NLRP9: variants seen among roughly 807,000 people sequenced by gnomAD.
NLRP9 encodes the protein NACHT, LRR and PYD domains-containing protein 9.
A neutral mutation model predicts 83.1 loss-of-function variants in NLRP9; 88 were observed. That is an observed-to-expected ratio of 1.06 (90% CI 0.89 to 1.26). The LOEUF is 1.26. Among genes scored for constraint, NLRP9 ranks in the 50% most tolerant of loss-of-function variants. NLRP9 has a pLI of 0.00. For missense variants in NLRP9, 1,308 were observed against 1,179.3 expected (o/e 1.11, Z -1.60); for synonymous variants, 521 against 447.6 (o/e 1.16, Z -2.07).
intron 1 of NLRP9, among the ~76,000 whole-genome samples, chr19:55,736,786 A>T (rs1234543085): frequency 1.3e-5 from 2 of 152,028 alleles, no homozygotes; most frequent in Admixed American, 1.3e-4. Flanking sequence ...GTGAACCGAG[A>T]TCATGTCACT....
chr19:55,717,935 T>G (rs967568448), intron 4 of NLRP9, among the ~76,000 whole-genome samples: 3 of 152,180 alleles, frequency 2.0e-5, no homozygotes, highest in Non-Finnish European at 4.4e-5. Flanking sequence ...GAGATCAGAT[T>G]GTTACTGTGT....
At chr19:55,729,515 T>C (rs183131179) in intron 3 of NLRP9, among the ~76,000 whole-genome samples, 118 of 152,314 alleles carry the variant, frequency 7.7e-4, no homozygotes, top group African/African-American at 2.8e-3. Flanking sequence ...GATAGTTTGC[T>C]GAGAATGATG....
intron 4 of NLRP9, 119 bp downstream of exon 4, chr19:55,723,861 T>C (rs974085569): frequency 3.6e-5 from 27 of 747,404 alleles, no homozygotes; most frequent in Non-Finnish European, 4.3e-5. Flanking sequence ...ATTCAAAAGA[T>C]GAAAAACAAG....
chr19:55,717,019 T>A, intron 4 of NLRP9, 121 bp from the exon 5 acceptor site: 1 of 584,768 alleles, frequency 1.7e-6, no homozygotes, highest in Non-Finnish European at 2.9e-6. Flanking sequence ...TTATCTACAC[T>A]ACAGACTCTT....
chr19:55,712,644 G>GC lies in NLRP9; in HGVS notation c.2502-55dup, dbSNP rs1987784973. 4 of 1,473,668 alleles carry GC rather than the reference G, an allele frequency of 2.7e-6. No individual in the cohort carries two copies. In the Admixed American group the frequency reaches 7.0e-5, roughly 26 times the overall value. 91.3% of individuals were successfully genotyped at this position (1,473,668 alleles called of 1,614,324 possible). ...TACACTTATGAGGTCAATCATAACA[G>GC]CCCACCTTATTTTCATTTATTCATA... is the stretch of plus-strand genomic sequence containing the variant. On this transcript the variant is annotated intron_variant, in intron 6 of 8. Transcript: ENST00000332836.
intron 3 of NLRP9, among the ~76,000 whole-genome samples, chr19:55,727,296 C>A (rs1441014070): frequency 6.6e-6 from 1 of 152,164 alleles, no homozygotes; most frequent in African/African-American, 2.4e-5. Flanking sequence ...CTGTCATCAA[C>A]ACTGTGAAGA....
At chr19:55,711,557 T>A in intron 8 of NLRP9, 1 of 1,097,220 alleles carries the variant, frequency 9.1e-7, no homozygotes, top group Non-Finnish European at 1.3e-6. Flanking sequence ...TCTGGAGCTC[T>A]TTTTGATTGT....
chr19:55,732,893 TCAC>T lies in NLRP9; in HGVS notation c.935_937del (p.Gly312del). 1 of 1,613,946 alleles carries T rather than the reference TCAC, an allele frequency of 6.2e-7. No individual in the cohort carries two copies. The highest frequency in any genetic ancestry group is 1.1e-5 in the South Asian group (1 of 90,992). On this transcript the variant is annotated inframe_deletion, in exon 2 of 9. Coordinates refer to ENST00000332836, the MANE Select transcript of NLRP9 (RefSeq NM_176820.4). ...GAAGACTTTCAGGGCTTTGCTCTTCTCACCAAAGAAGTAGGAGAAATACGACTT... is the reference window on the plus strand; with the variant it reads ...GAAGACTTTCAGGGCTTTGCTCTTCTCAAAGAAGTAGGAGAAATACGACTT...
At chr19:55,717,083 G>A (rs1382876004) in intron 4 of NLRP9, among the ~76,000 whole-genome samples, 185 bp from the exon 5 acceptor site, 2 of 150,190 alleles carry the variant, frequency 1.3e-5, no homozygotes, top group African/African-American at 5.0e-5. Context: ...GCCCAGGCAG[G>A]AGTGCAGTGG....
At position 55,708,816 on chromosome 19, in the gene NLRP9, G is replaced by A. The variant is rs945300486; in HGVS notation, c.*96C>T. On this transcript the variant is annotated 3_prime_UTR_variant, in exon 9 of 9. Transcript: ENST00000332836. ...GTACCTCTGAAATCACAGCCCTGCT[G>A]CCATGATGTGCAATTACAGGATAGA... is the stretch of plus-strand genomic sequence containing the variant. 19 of 797,984 alleles carry A rather than the reference G, an allele frequency of 2.4e-5. No individual in the cohort carries two copies. Among genetic ancestry groups the A allele is most frequent in the Admixed American group, 6.0e-5 (2 of 33,472 alleles). 49.4% of individuals were successfully genotyped at this position (797,984 alleles called of 1,614,324 possible).
chr19:55,727,040 G>A (rs978293013), intron 3 of NLRP9, among the ~76,000 whole-genome samples: 2 of 152,116 alleles, frequency 1.3e-5, no homozygotes, highest in African/African-American at 4.8e-5. Flanking sequence ...ATCACATGAG[G>A]TCAGGAGTTT....
At chr19:55,725,607 G>T (rs568120088) in intron 3 of NLRP9, among the ~76,000 whole-genome samples, 1 of 152,160 alleles carries the variant, frequency 6.6e-6, no homozygotes, top group South Asian at 2.1e-4. Flanking sequence ...TGACACCCAG[G>T]TACCACCTGC....
intron 1 of NLRP9, among the ~76,000 whole-genome samples, chr19:55,736,261 G>A (rs181088813): frequency 0.058 from 8,763 of 151,496 alleles, 473 homozygotes; most frequent in South Asian, 0.25. Flanking sequence ...CGTGGTGGCA[G>A]GCGCCTGTAG....
chr19:55,727,187 G>A (rs1482528475), intron 3 of NLRP9, among the ~76,000 whole-genome samples: 1 of 152,170 alleles, frequency 6.6e-6, no homozygotes, highest in African/African-American at 2.4e-5. Flanking sequence ...GGGAGGCGGA[G>A]GTTGCAGTGA....
At chr19:55,711,126 C>T (rs1016438179) in intron 8 of NLRP9, among the ~76,000 whole-genome samples, 3 of 146,480 alleles carry the variant, frequency 2.0e-5, no homozygotes, top group African/African-American at 5.2e-5. Flanking sequence ...AAACCTTAAA[C>T]AACATATTGT....
In NLRP9 at chr19:55,730,112, G is replaced by C. The variant is rs942551756; in HGVS notation, c.1833-120C>G. On this transcript the variant is annotated intron_variant, in intron 2 of 8. Transcript: ENST00000332836. ...GCTGACAGACACCCAGGCCTGAACAGGGAGAAGGTCAGCCAGGTAAACGGA... is the reference window on the plus strand; with the variant it reads ...GCTGACAGACACCCAGGCCTGAACACGGAGAAGGTCAGCCAGGTAAACGGA... The C allele has an allele frequency of 1.3e-5, 11 of 856,946 alleles. 1 individual carries two copies. The highest frequency in any genetic ancestry group is 8.8e-5 in the South Asian group (5 of 56,680). The allele number at this position is 856,946 out of a possible 1,614,324, so 53.1% of individuals were successfully genotyped here. A position where few individuals can be genotyped will look rare whatever the true frequency, so the allele number is the denominator to read the frequency against.
In NLRP9 at chr19:55,715,211, C is replaced by G; in HGVS notation, c.2345G>C (p.Cys782Ser). 6.2e-7 allele frequency: 1 copy of G among 1,613,204 alleles called. No homozygotes were observed. Among genetic ancestry groups the G allele is most frequent in the Non-Finnish European group, 8.5e-7 (1 of 1,179,752 alleles). ...GGAGTCACAGGAGACAGAGGTGAGA[C>G]AGCAGTACATCAACCTGCAAAGAAA... ...ALERLMLMYC[C>S]LTSVSCDSIS... Residue 782 changes from cysteine to serine, a missense_variant, in exon 6 of 9, where the codon TGT becomes TCT. Cys to Ser is a moderately radical substitution (Grantham distance 112). Transcript: ENST00000332836.
intron 5 of NLRP9, 148 bp downstream of exon 5, chr19:55,716,580 A>T: frequency 1.6e-6 from 1 of 636,220 alleles, no homozygotes; most frequent in Non-Finnish European, 2.8e-6. Context: ...ACTGATGAGC[A>T]ACTGAGGCGT....
chr19:55,736,477 C>G (rs1319642092), intron 1 of NLRP9, among the ~76,000 whole-genome samples: 1 of 152,172 alleles, frequency 6.6e-6, no homozygotes, highest in African/African-American at 2.4e-5. Context: ...TCAGTTCAGA[C>G]ACTGACTCGG....
Sources: allele counts gnomAD v4.1 joint callset (sites outside exome capture counted in the v4.1 genomes callset), GRCh38; gene constraint gnomAD v4.1.1; transcripts MANE v1.5; gene names NCBI Gene and HGNC (gene_info 2026-07-23, HGNC 2026-07-21).